ZNF462: variants seen among roughly 807,000 people sequenced by gnomAD.
The protein encoded by ZNF462 is zinc finger protein 462, also known as zinc finger PBX1-interacting protein.
Under a neutral mutation model 201.9 loss-of-function variants are expected in ZNF462, and 10 were observed. That is an observed-to-expected ratio of 0.05 (90% CI 0.03 to 0.08). ZNF462 has a LOEUF of 0.08. Among genes scored for constraint, ZNF462 ranks in the 10% least tolerant of loss-of-function variants. The pLI is 1.00. For missense variants in ZNF462, 2,523 were observed against 3,168.3 expected (o/e 0.80, Z 4.89); for synonymous variants, 1,227 against 1,193.3 (o/e 1.03, Z -0.58).
rs75141999 is a variant in ZNF462, at chr9:106,916,271, C to T, written c.-30-7083C>T. Among the ~76,000 whole-genome samples the T allele has an allele frequency of 0.013, 1,909 of 152,218 alleles. 69 individuals are homozygous for T. In the East Asian group the frequency reaches 0.15, roughly 12 times the overall value. On this transcript the variant is annotated intron_variant, in intron 1 of 12. Coordinates refer to ENST00000277225, the MANE Select transcript of ZNF462 (RefSeq NM_021224.6). Reference sequence around the variant, plus strand: ...GCACGAACACTTTGGGCCATGAAGACGCACCCAAGGCCCAAGGTCAGTCAG... The same window carrying T: ...GCACGAACACTTTGGGCCATGAAGATGCACCCAAGGCCCAAGGTCAGTCAG...
Position 106,924,275 on chromosome 9 carries a change from C to T in ZNF462, c.363C>T (p.Asn121=), listed in dbSNP as rs1830098960. 1 of 1,614,112 alleles carries T rather than the reference C, an allele frequency of 6.2e-7. No homozygotes were observed. The highest frequency in any genetic ancestry group is 1.3e-5 in the African/African-American group (1 of 75,012). Reference sequence around the variant, plus strand: ...GTGTACGCTACTTCAGGTCAAAAAACCTCCTCATAGAACACACTAGAAAGG... The same window carrying T: ...GTGTACGCTACTTCAGGTCAAAAAATCTCCTCATAGAACACACTAGAAAGG... ...KFCVRYFRSK[N]LLIEHTRKVH... The change falls in exon 3 of 13, where the codon AAC becomes AAT. Residue 121 remains asparagine, a synonymous_variant. Coordinates refer to ENST00000277225, the MANE Select transcript of ZNF462 (RefSeq NM_021224.6). The surrounding 1 kb of genome is among the most constrained non-coding windows in gnomAD (Gnocchi z 6.2).
intron 9 of ZNF462, chr9:106,975,945 T>G (rs1290368150): frequency 2.0e-5 from 3 of 152,240 alleles, no homozygotes; most frequent in Admixed American, 2.0e-4. Flanking sequence ...TCACTTCATC[T>G]TCCAGCAACA....
chr9:106,992,167 A>C (rs1828334573), intron 10 of ZNF462, among the ~76,000 whole-genome samples: 1 of 152,134 alleles, frequency 6.6e-6, no homozygotes, highest in South Asian at 2.1e-4. Flanking sequence ...AATTCAGTTA[A>C]AAATGAGCAC....
chr9:107,000,644 G>A (rs1484709709), intron 10 of ZNF462, among the ~76,000 whole-genome samples: 3 of 152,090 alleles, frequency 2.0e-5, no homozygotes, highest in African/African-American at 7.2e-5. Context: ...AAAGATTTTA[G>A]AAATCTTCAG....
chr9:106,935,769 T>A lies in ZNF462; in HGVS notation c.6235+148T>A. 1 of 572,468 alleles carries A rather than the reference T, an allele frequency of 1.7e-6. No homozygotes were observed. Among genetic ancestry groups the A allele is most frequent in the Non-Finnish European group, 2.8e-6 (1 of 353,570 alleles). The allele number at this position is 572,468 out of a possible 1,614,324, so 35.5% of individuals were successfully genotyped here. On this transcript the variant is annotated intron_variant, in intron 6 of 12. Coordinates refer to ENST00000277225, the MANE Select transcript of ZNF462 (RefSeq NM_021224.6). The surrounding 1 kb of genome is among the most constrained non-coding windows in gnomAD (Gnocchi z 4.1). ...TATATTCAGTTTTATTTTTACCTAG[T>A]AAAGAAAAAATAAAGAAAAAAGTAA...
rs1480631507 is a variant in ZNF462 at position 106,970,670 on chromosome 9, A to G, written c.6428-1335A>G. The stretch of plus-strand genomic sequence containing the variant: ...ACTGAAATTCATCTGTGTGGTATTC[A>G]TGGACTTCATTTGTGTCATTCATAG... On this transcript the variant is annotated intron_variant, in intron 7 of 12. Transcript: ENST00000277225. This position sits in a 1 kb window ranked among gnomAD's most constrained non-coding sequence, Gnocchi z 4.2. Among the ~76,000 whole-genome samples, 1 of 152,148 alleles carries G rather than the reference A, an allele frequency of 6.6e-6. No homozygotes were observed. The highest frequency in any genetic ancestry group is 1.5e-5 in the Non-Finnish European group (1 of 68,028).
Position 106,886,668 on chromosome 9 carries a change from G to C in ZNF462, c.-31+23313G>C, listed in dbSNP as rs1048996327. 6.6e-6 allele frequency among the ~76,000 whole-genome samples: 1 copy of C among 152,168 alleles called. No individual in the cohort carries two copies. Among genetic ancestry groups the C allele is most frequent in the African/African-American group, 2.4e-5 (1 of 41,440 alleles). On this transcript the variant is annotated intron_variant, in intron 1 of 12. Transcript: ENST00000277225. This position sits in a 1 kb window ranked among gnomAD's most constrained non-coding sequence, Gnocchi z 4.6. ...CCCTTCATTTTACAGCTCTGGAAAG[G>C]CTGAAATGATGTGTCCAAAGTCCAC...
At position 106,932,178 on chromosome 9, in the gene ZNF462, T is replaced by A; in HGVS notation, c.6013-268T>A. 1 of 1,513,428 alleles carries A rather than the reference T, an allele frequency of 6.6e-7. No individual in the cohort carries two copies. Among genetic ancestry groups the A allele is most frequent in the Non-Finnish European group, 8.8e-7 (1 of 1,133,342 alleles). The allele number at this position is 1,513,428 out of a possible 1,614,324, so 93.7% of individuals were successfully genotyped here. On this transcript the variant is annotated intron_variant, in intron 4 of 12. Transcript: ENST00000277225. The surrounding 1 kb of genome is among the most constrained non-coding windows in gnomAD (Gnocchi z 6.8). ...AGAAGTGCTGTTGAGTTTGGGAGAA[T>A]GTAGGGAGAAAAAGAAAGCTGGAGG...
rs535387358 is a variant in ZNF462 at position 107,008,138 on chromosome 9, C to A, written c.7190-1407C>A. ...ACCCAAGCAGAATCCTCCCCACCCCCCTCTCATTATGCAGTTGGGGAGGAG... is the reference window on the plus strand; with the variant it reads ...ACCCAAGCAGAATCCTCCCCACCCCACTCTCATTATGCAGTTGGGGAGGAG... On this transcript the variant is annotated intron_variant, in intron 11 of 12. Coordinates refer to ENST00000277225, the MANE Select transcript of ZNF462 (RefSeq NM_021224.6). The surrounding 1 kb of genome is among the most constrained non-coding windows in gnomAD (Gnocchi z 4.8). Among the ~76,000 whole-genome samples the A allele has an allele frequency of 6.6e-6, 1 of 152,084 alleles. No individual in the cohort carries two copies. Among genetic ancestry groups the A allele is most frequent in the African/African-American group, 2.4e-5 (1 of 41,410 alleles).
chr9:106,994,752 C>A (rs1456499036), intron 10 of ZNF462, among the ~76,000 whole-genome samples: 1 of 152,092 alleles, frequency 6.6e-6, no homozygotes, highest in Non-Finnish European at 1.5e-5. Context: ...CTGGCAAAAC[C>A]TTAAACAGTA....
rs1564076811 is a variant in ZNF462, at chr9:106,886,372, A to C, written c.-31+23017A>C. Among the ~76,000 whole-genome samples the C allele has an allele frequency of 6.6e-6, 1 of 152,196 alleles. No homozygotes were observed. Among genetic ancestry groups the C allele is most frequent in the Non-Finnish European group, 1.5e-5 (1 of 68,028 alleles). ...TGTGCTGCCTATTTCGAAAGTTGAT[A>C]ATGACTCAAGGGTATCCAACTCTCA... On this transcript the variant is annotated intron_variant, in intron 1 of 12. Coordinates refer to ENST00000277225, the MANE Select transcript of ZNF462 (RefSeq NM_021224.6). The surrounding 1 kb of genome is among the most constrained non-coding windows in gnomAD (Gnocchi z 4.6).
Position 106,924,506 on chromosome 9 carries a change from T to C in ZNF462, c.594T>C (p.Ala198=). The C allele has an allele frequency of 6.2e-7, 1 of 1,614,108 alleles. No individual in the cohort carries two copies. Among genetic ancestry groups the C allele is most frequent in the South Asian group, 1.1e-5 (1 of 91,052 alleles). The part of the protein sequence containing the change: ...NLKETTAPPP[A]PAPMPDPVVP... ...AGGAGACCACTGCTCCCCCACCTGCTCCTGCTCCAATGCCAGACCCTGTGG... is the reference window on the plus strand; with the variant it reads ...AGGAGACCACTGCTCCCCCACCTGCCCCTGCTCCAATGCCAGACCCTGTGG... Residue 198 remains alanine, a synonymous_variant, in exon 3 of 13, where the codon GCT becomes GCC. Transcript: ENST00000277225. The surrounding 1 kb of genome is among the most constrained non-coding windows in gnomAD (Gnocchi z 6.2).
chr9:107,010,667 T>G lies in ZNF462; in HGVS notation c.7314-156T>G, dbSNP rs920622631. Among the ~76,000 whole-genome samples, 1 of 152,200 alleles carries G rather than the reference T, an allele frequency of 6.6e-6. No individual in the cohort carries two copies. Among genetic ancestry groups the G allele is most frequent in the African/African-American group, 2.4e-5 (1 of 41,450 alleles). On this transcript the variant is annotated intron_variant, in intron 12 of 12. Transcript: ENST00000277225. This position sits in a 1 kb window ranked among gnomAD's most constrained non-coding sequence, Gnocchi z 4.6. ...CATAGCAGGGATGCATCACTTGGTA[T>G]TTTGTCATACACCCATGGCATTTGT...
intron 10 of ZNF462, among the ~76,000 whole-genome samples, chr9:107,001,434 A>G (rs976508503): frequency 6.6e-6 from 1 of 152,196 alleles, no homozygotes; most frequent in Admixed American, 6.5e-5. Flanking sequence ...CTCAAGCACT[A>G]TGCTGACCTC....
At chr9:106,884,400 C>T (rs191751352) in intron 1 of ZNF462, among the ~76,000 whole-genome samples, 6 of 152,206 alleles carry the variant, frequency 3.9e-5, no homozygotes, top group Non-Finnish European at 7.4e-5. Flanking sequence ...CTTTTCTTCT[C>T]TAGGAATTTA....
chr9:106,982,643 C>T (rs1827528392), intron 9 of ZNF462, among the ~76,000 whole-genome samples: 1 of 152,152 alleles, frequency 6.6e-6, no homozygotes, highest in South Asian at 2.1e-4. Flanking sequence ...AAATAAGCAA[C>T]TGATTCTTTG....
chr9:106,923,468 G>A lies in ZNF462; in HGVS notation c.85G>A (p.Ala29Thr). Reference protein sequence around the residue: ...LKAHIQDVHTAFLQPTDVAED... With the variant: ...LKAHIQDVHTTFLQPTDVAED... ...GGCACACATTCAGGATGTCCACACG[G>A]CATTTCTGCAGCCAACTGATGTTGC... The change falls in exon 2 of 13, where the codon GCA (alanine) becomes ACA (threonine). Residue 29 changes from alanine to threonine, a missense_variant. Ala to Thr is a moderately conservative substitution (Grantham distance 58, BLOSUM62 0). Around this residue, in one of 15 missense-constraint regions of ZNF462, gnomAD observed 480 missense variants for 544.4 expected, o/e 0.88. Coordinates refer to ENST00000277225, the MANE Select transcript of ZNF462 (RefSeq NM_021224.6). This position sits in a 1 kb window ranked among gnomAD's most constrained non-coding sequence, Gnocchi z 5.6. 1 of 1,614,152 alleles carries A rather than the reference G, an allele frequency of 6.2e-7. No homozygotes were observed. Among genetic ancestry groups the A allele is most frequent in the South Asian group, 1.1e-5 (1 of 91,086 alleles).
At position 106,938,797 on chromosome 9, in the gene ZNF462, A is replaced by C; in HGVS notation, c.6236-119A>C. 2 of 1,103,140 alleles carry C rather than the reference A, an allele frequency of 1.8e-6. No individual in the cohort carries two copies. Among genetic ancestry groups the C allele is most frequent in the Non-Finnish European group, 2.6e-6 (2 of 778,818 alleles). The allele number at this position is 1,103,140 out of a possible 1,614,324, so 68.3% of individuals were successfully genotyped here. A position where few individuals can be genotyped will look rare whatever the true frequency, so the allele number is the denominator to read the frequency against. ...GGTCTGTGAGGTTCGTTCATAGAAC[A>C]TGAAGCTTGAGATGCGCTTCTCTAG... On this transcript the variant is annotated intron_variant, in intron 6 of 12. Coordinates refer to ENST00000277225, the MANE Select transcript of ZNF462 (RefSeq NM_021224.6). This position sits in a 1 kb window ranked among gnomAD's most constrained non-coding sequence, Gnocchi z 4.4.
chr9:106,972,778 A>T lies in ZNF462; in HGVS notation c.6695+506A>T, dbSNP rs1256016054. Among the ~76,000 whole-genome samples the T allele has an allele frequency of 6.6e-6, 1 of 152,182 alleles. No homozygotes were observed. The highest frequency in any genetic ancestry group is 1.5e-5 in the Non-Finnish European group (1 of 68,042). On this transcript the variant is annotated intron_variant, in intron 8 of 12. Coordinates refer to ENST00000277225, the MANE Select transcript of ZNF462 (RefSeq NM_021224.6). This position sits in a 1 kb window ranked among gnomAD's most constrained non-coding sequence, Gnocchi z 4.8. ...CTTCCAACACTACACTTGAGCAATC[A>T]TAGGGAGATTGCTCCAGTCTAGAAA...
Sources: gnomAD v4.1 joint callset for allele counts (sites outside exome capture counted in the v4.1 genomes callset) on GRCh38, gnomAD v4.1.1 for gene constraint, gnomAD v4.1.1 regional missense constraint, Gnocchi (gnomAD v3.1) non-coding constraint, MANE v1.5 for transcripts, NCBI Gene and HGNC (gene_info 2026-07-23, HGNC 2026-07-21) for gene names.